GHR: variants seen among roughly 807,000 people sequenced by gnomAD.
The protein encoded by GHR is growth hormone receptor, also known as GH receptor.
Under a neutral mutation model 67.1 loss-of-function variants are expected in GHR, and 35 were observed. The observed-to-expected ratio is 0.52, with a 90% CI of 0.40 to 0.69. The LOEUF (loss-of-function observed/expected upper bound fraction) is 0.69, where lower values mean the gene tolerates loss of function less well. Ranked by LOEUF, GHR falls within the 30% of genes least tolerant of loss-of-function variation. GHR has a pLI of 0.00. For synonymous variants in GHR, 272 were observed against 269.1 expected, an observed-to-expected ratio of 1.01 and a Z score of -0.10; for missense variants, 792 against 764.6, an observed-to-expected ratio of 1.04 and a Z score of -0.42.
In GHR at chr5:42,567,051, TG is replaced by T. The variant is rs1305458258; in HGVS notation, c.70+1108del. On this transcript the variant is annotated intron_variant, in intron 2 of 9. Coordinates refer to ENST00000230882, the MANE Select transcript of GHR (RefSeq NM_000163.5). ...CTCTGGCGTTATAATGTCAACATTA[TG>T]CAAGTCAAACATGGAGAGAATTGCA... Among the ~76,000 whole-genome samples the T allele has an allele frequency of 1.1e-3, 170 of 152,360 alleles. 1 individual carries two copies. Among genetic ancestry groups the T allele is most frequent in the African/African-American group, 4.0e-3 (168 of 41,584 alleles).
chr5:42,515,631 A>G (rs565824130), intron 1 of GHR, among the ~76,000 whole-genome samples: 1 of 152,382 alleles, frequency 6.6e-6, no homozygotes, highest in South Asian at 2.1e-4. Context: ...TAACCCGCTG[A>G]AAATCATTCT....
At chr5:42,459,546 A>T (rs1744399531) in intron 1 of GHR, among the ~76,000 whole-genome samples, 2 of 152,184 alleles carry the variant, frequency 1.3e-5, no homozygotes, top group Admixed American at 1.3e-4. Flanking sequence ...GAGGATTAAC[A>T]AACTACCTAT....
At chr5:42,566,179 A>G (rs148548466) in intron 2 of GHR, among the ~76,000 whole-genome samples, 91 of 152,326 alleles carry the variant, frequency 6.0e-4, no homozygotes, top group African/African-American at 2.0e-3. Flanking sequence ...TCAAAAATTA[A>G]TACTACAAAT....
At chr5:42,586,068 A>G (rs1751458989) in intron 2 of GHR, among the ~76,000 whole-genome samples, 1 of 152,224 alleles carries the variant, frequency 6.6e-6, no homozygotes, top group African/African-American at 2.4e-5. Flanking sequence ...AAAGTCCAAA[A>G]CTATGGCACA....
At chr5:42,666,668 G>A (rs1183481190) in intron 3 of GHR, among the ~76,000 whole-genome samples, 1 of 152,120 alleles carries the variant, frequency 6.6e-6, no homozygotes, top group Non-Finnish European at 1.5e-5. Context: ...GGACAGCACA[G>A]ATCTAAGCTC....
At chr5:42,699,756 A>T (rs184752827) in intron 5 of GHR, 68 bp from the exon 6 acceptor site, 1 of 985,962 alleles carries the variant, frequency 1.0e-6, no homozygotes, top group East Asian at 2.4e-5. Flanking sequence ...TGGTCTTCTG[A>T]GAAGAATGCC....
intron 1 of GHR, among the ~76,000 whole-genome samples, chr5:42,560,503 AAT>A (rs1444011177): frequency 6.6e-6 from 1 of 152,032 alleles, no homozygotes; most frequent in Non-Finnish European, 1.5e-5. Flanking sequence ...ATACACTTTT[AAT>A]ATAATTTTTG....
At chr5:42,676,878 T>C (rs1202958590) in intron 3 of GHR, among the ~76,000 whole-genome samples, 1 of 151,982 alleles carries the variant, frequency 6.6e-6, no homozygotes, top group Non-Finnish European at 1.5e-5. Context: ...AAAGCAGAGA[T>C]TCAAGAGGAG....
chr5:42,565,818 CT>C, intron 1 of GHR, 45 bp from the exon 2 acceptor site: 1 of 1,613,682 alleles, frequency 6.2e-7, no homozygotes, highest in Middle Eastern at 1.7e-4. Flanking sequence ...TGATAATGGT[CT>C]GCTTTTAATT....
At chr5:42,435,123 C>G (rs928527782) in intron 1 of GHR, among the ~76,000 whole-genome samples, 6 of 152,178 alleles carry the variant, frequency 3.9e-5, no homozygotes, top group Admixed American at 6.5e-5. Flanking sequence ...GAAACCTTCA[C>G]TTATAAAAGA....
intron 2 of GHR, among the ~76,000 whole-genome samples, chr5:42,623,050 T>C (rs1339290076): frequency 6.6e-6 from 1 of 152,160 alleles, no homozygotes; most frequent in Non-Finnish European, 1.5e-5. Context: ...ATGTCCCTGC[T>C]GTCAAGGTAG....
intron 1 of GHR, among the ~76,000 whole-genome samples, chr5:42,436,840 C>T (rs1579695311): frequency 6.6e-6 from 1 of 152,266 alleles, no homozygotes; most frequent in East Asian, 1.9e-4. Context: ...CCTTGGAACT[C>T]TGGGCATGAT....
intron 1 of GHR, among the ~76,000 whole-genome samples, chr5:42,559,007 A>G (rs1193459187): frequency 6.6e-6 from 1 of 152,196 alleles, no homozygotes; most frequent in East Asian, 1.9e-4. Context: ...ATGAATTTAG[A>G]TGCTAAATTT....
chr5:42,588,751 G>T (rs2112585447), intron 2 of GHR, among the ~76,000 whole-genome samples: 1 of 152,086 alleles, frequency 6.6e-6, no homozygotes, highest in South Asian at 2.1e-4. Flanking sequence ...CCATATGAAT[G>T]TCTTTTTTTG....
intron 3 of GHR, among the ~76,000 whole-genome samples, chr5:42,672,584 GT>G (rs1405960899): frequency 6.6e-6 from 1 of 152,124 alleles, no homozygotes; most frequent in African/African-American, 2.4e-5. Flanking sequence ...TAGTCAGTAA[GT>G]GATACTGACT....
At chr5:42,696,640 G>T (rs1166932486) in intron 5 of GHR, among the ~76,000 whole-genome samples, 3 of 152,152 alleles carry the variant, frequency 2.0e-5, no homozygotes, top group African/African-American at 7.2e-5. Context: ...AGCCCTCCTA[G>T]TCAGCTGGAG....
intron 1 of GHR, chr5:42,467,859 T>C (rs879271117): frequency 4.3e-5 from 40 of 935,056 alleles, no homozygotes; most frequent in Non-Finnish European, 6.1e-5. Context: ...GAATTAAGGC[T>C]GTATTTTCCC....
rs536074179 is a variant in GHR, at chr5:42,574,262, C to T, written c.70+8318C>T. Reference sequence around the variant, plus strand: ...GCCCTGTGTCAGGGCACCGTTTGGCCAGCTGGGCTTGCTAGGAGTAGAATA... The same window carrying T: ...GCCCTGTGTCAGGGCACCGTTTGGCTAGCTGGGCTTGCTAGGAGTAGAATA... On this transcript the variant is annotated intron_variant, in intron 2 of 9. Coordinates refer to ENST00000230882, the MANE Select transcript of GHR (RefSeq NM_000163.5). Among the ~76,000 whole-genome samples, 28 of 152,286 alleles carry T rather than the reference C, an allele frequency of 1.8e-4. No individual in the cohort carries two copies. The South Asian group carries it at 5.8e-3, about 32-fold the overall frequency.
At chr5:42,649,329 G>T (rs1445748901) in intron 3 of GHR, among the ~76,000 whole-genome samples, 1 of 152,042 alleles carries the variant, frequency 6.6e-6, no homozygotes, top group Admixed American at 6.6e-5. Flanking sequence ...CAACCCAAAA[G>T]CTGAGATTCT....
Sources: gnomAD v4.1 joint callset for allele counts (sites outside exome capture counted in the v4.1 genomes callset) on GRCh38, gnomAD v4.1.1 for gene constraint, MANE v1.5 for transcripts, NCBI Gene and HGNC (gene_info 2026-07-23, HGNC 2026-07-21) for gene names.